AOPEP: variants seen among roughly 807,000 people sequenced by gnomAD.
AOPEP encodes aminopeptidase O.
A neutral mutation model predicts 98.1 loss-of-function variants in AOPEP; 77 were observed. The observed-to-expected ratio is 0.78, with a 90% CI of 0.65 to 0.95. The LOEUF (loss-of-function observed/expected upper bound fraction) is 0.95, where lower values mean the gene tolerates loss of function less well. Among genes scored for constraint, AOPEP ranks in the 40% least tolerant of loss-of-function variants. The probability of loss-of-function intolerance (pLI) is 0.00; values close to 1 mark genes in which losing one functional copy is unlikely to be tolerated. For synonymous variants in AOPEP, 346 were observed against 365.3 expected (o/e 0.95, Z 0.60); for missense variants, 1,024 against 1,024.7 (o/e 1.00, Z 0.01).
chr9:94,898,969 G>T (rs575543704), intron 5 of AOPEP, among the ~76,000 whole-genome samples: 1 of 146,828 alleles, frequency 6.8e-6, no homozygotes, highest in East Asian at 2.0e-4. Flanking sequence ...TAAATAAAAA[G>T]ACTTAAGTAG....
chr9:94,988,857 C>T (rs568219614), intron 11 of AOPEP, among the ~76,000 whole-genome samples: 3 of 152,024 alleles, frequency 2.0e-5, no homozygotes, highest in South Asian at 2.1e-4. Flanking sequence ...CAACATAATC[C>T]GTAATTATCT....
chr9:95,068,838 G>C (rs536970713), intron 14 of AOPEP, among the ~76,000 whole-genome samples: 1 of 152,272 alleles, frequency 6.6e-6, no homozygotes, highest in South Asian at 2.1e-4. Flanking sequence ...GGGGAGGGAA[G>C]GCTGAGTTTC....
chr9:95,101,417 C>T, the AOPEP span: 2 of 489,832 alleles, frequency 4.1e-6, no homozygotes, highest in South Asian at 4.8e-5. Context: ...CCCACCCAGG[C>T]CTTTGCTTTA....
intron 1 of AOPEP, among the ~76,000 whole-genome samples, chr9:94,748,746 G>C (rs1389982240): frequency 1.3e-5 from 2 of 152,130 alleles, no homozygotes; most frequent in East Asian, 3.8e-4. Context: ...AAGAGTACTG[G>C]TTAGGTATAT....
chr9:94,832,627 A>T (rs1489858695), intron 5 of AOPEP, among the ~76,000 whole-genome samples: 1 of 152,218 alleles, frequency 6.6e-6, no homozygotes, highest in Admixed American at 6.5e-5. Context: ...GATGCCCATC[A>T]GTTTGTGCCA....
At chr9:94,977,057 G>A (rs58325577) in intron 10 of AOPEP, among the ~76,000 whole-genome samples, 11,823 of 152,236 alleles carry the variant, frequency 0.078, 1,154 homozygotes, top group African/African-American at 0.23. Flanking sequence ...GCACAGAAAC[G>A]TCCCTCTCTG....
At chr9:94,769,367 C>T (rs150749990) in intron 2 of AOPEP, among the ~76,000 whole-genome samples, 79 of 152,248 alleles carry the variant, frequency 5.2e-4, no homozygotes, top group Non-Finnish European at 8.8e-4. Flanking sequence ...AACTCCCTAG[C>T]GCTTGGTTTG....
At chr9:94,922,272 G>A (rs1055921583) in intron 5 of AOPEP, among the ~76,000 whole-genome samples, 1 of 152,188 alleles carries the variant, frequency 6.6e-6, no homozygotes, top group African/African-American at 2.4e-5. Context: ...TAGTCTTAGA[G>A]CGATTTCGCA....
the AOPEP span, chr9:95,111,492 C>G: frequency 1.2e-6 from 2 of 1,613,788 alleles, no homozygotes; most frequent in African/African-American, 2.7e-5. Context: ...TGCCTCCCAT[C>G]ACGGGGGCCG....
At chr9:94,750,852 A>AT (rs1408413372) in intron 1 of AOPEP, among the ~76,000 whole-genome samples, 1 of 142,292 alleles carries the variant, frequency 7.0e-6, no homozygotes, top group Non-Finnish European at 1.5e-5. Flanking sequence ...GGTTCACGCC[A>AT]TTCTCCTGCC....
intron 5 of AOPEP, among the ~76,000 whole-genome samples, chr9:94,852,758 TG>T (rs2043711763): frequency 6.6e-6 from 1 of 152,348 alleles, no homozygotes; most frequent in African/African-American, 2.4e-5. Flanking sequence ...GAATCATTAT[TG>T]TTGTAGGAAT....
At chr9:95,101,752 T>C in the AOPEP span, 1 of 1,614,152 alleles carries the variant, frequency 6.2e-7, no homozygotes, top group East Asian at 2.2e-5. Context: ...GGGCCAGTTT[T>C]TCTGATCTAG....
At chr9:94,800,624 G>A (rs1848007023) in intron 4 of AOPEP, 133 bp from the exon 5 acceptor site, 1 of 900,048 alleles carries the variant, frequency 1.1e-6, no homozygotes, top group Admixed American at 1.9e-5. Context: ...GCCAAGAATT[G>A]AAATGAGCAG....
chr9:94,964,554 C>T (rs185772622), intron 9 of AOPEP, among the ~76,000 whole-genome samples: 18 of 149,748 alleles, frequency 1.2e-4, no homozygotes, highest in African/African-American at 4.4e-4. Flanking sequence ...AATTACCAGG[C>T]AAATATAGGA....
intron 5 of AOPEP, among the ~76,000 whole-genome samples, chr9:94,807,247 C>T (rs146591279): frequency 6.6e-6 from 1 of 152,310 alleles, no homozygotes; most frequent in East Asian, 1.9e-4. Flanking sequence ...TGCCATTAAA[C>T]AGCTGTGTTG....
chr9:94,932,712 A>G lies in AOPEP; in HGVS notation c.1661+4181A>G, dbSNP rs1232602704. ...TTGGCCAGGCTGGTCTCAAACTCCT[A>G]ACCTCAAGTGATCTGCCTGCTTCGG... On this transcript the variant is annotated intron_variant, in intron 7 of 16. Transcript: ENST00000375315. 7 of 713,496 alleles carry G rather than the reference A, an allele frequency of 9.8e-6. No homozygotes were observed. In the African/African-American group the frequency reaches 1.4e-4, roughly 14 times the overall value. The allele number at this position is 713,496 out of a possible 1,614,324, so 44.2% of individuals were successfully genotyped here.
chr9:95,094,530 T>C, the AOPEP span, among the ~76,000 whole-genome samples: 65 of 152,294 alleles, frequency 4.3e-4, 1 homozygote, highest in Middle Eastern at 0.017. Flanking sequence ...CAGCTTCCTG[T>C]CTTTGAGGCT....
At chr9:95,069,406 A>G (rs1207802324) in intron 14 of AOPEP, among the ~76,000 whole-genome samples, 1 of 152,126 alleles carries the variant, frequency 6.6e-6, no homozygotes, top group Non-Finnish European at 1.5e-5. Context: ...AAATTGAAGA[A>G]AGAAGGTAGG....
chr9:95,135,221 C>A, the AOPEP span: 1 of 941,444 alleles, frequency 1.1e-6, no homozygotes, highest in East Asian at 2.5e-5. Flanking sequence ...TGTAAATACA[C>A]GATTATATAT....
Sources: gnomAD v4.1 joint callset for allele counts (sites outside exome capture counted in the v4.1 genomes callset) on GRCh38, gnomAD v4.1.1 for gene constraint, MANE v1.5 for transcripts, NCBI Gene and HGNC (gene_info 2026-07-23, HGNC 2026-07-21) for gene names.